Variants in DSCAM observed in about 807,000 individuals in gnomAD.
DSCAM encodes the protein cell adhesion molecule DSCAM.
Under a neutral mutation model 217.7 loss-of-function variants are expected in DSCAM, and 47 were observed. That is an observed-to-expected ratio of 0.22 (90% CI 0.17 to 0.28). The LOEUF (loss-of-function observed/expected upper bound fraction) is 0.28. Among genes scored for constraint, DSCAM ranks in the 10% least tolerant of loss-of-function variants. The pLI, the probability that DSCAM is intolerant of heterozygous loss-of-function variation, is 1.00. For synonymous variants in DSCAM, 1,056 were observed against 1,015.3 expected (o/e 1.04, Z -0.76); for missense variants, 2,080 against 2,618.3 (o/e 0.79, Z 4.49).
intron 3 of DSCAM, among the ~76,000 whole-genome samples, chr21:40,442,543 T>C (rs1363870658): frequency 4.8e-5 from 6 of 123,932 alleles, no homozygotes; most frequent in Non-Finnish European, 9.8e-5. Flanking sequence ...TTGGTGAGAT[T>C]GGGTCTCGCT....
At chr21:40,811,572 C>T (rs535623016) in intron 1 of DSCAM, among the ~76,000 whole-genome samples, 1 of 152,304 alleles carries the variant, frequency 6.6e-6, no homozygotes, top group East Asian at 1.9e-4. Flanking sequence ...GAAGGGGGCC[C>T]TGGAGCAGCA....
rs551495559 is a variant in DSCAM at position 40,805,937 on chromosome 21, T to C, written c.43+40682A>G. Among the ~76,000 whole-genome samples, 8 of 152,250 alleles carry C rather than the reference T, an allele frequency of 5.3e-5. No homozygotes were observed. The East Asian group carries it at 1.4e-3, about 26-fold the overall frequency. ...GTTAGCCAGGATGGTCTCGATCTCC[T>C]GACCTTGTGATCTGCCCGCCTCGGC... On this transcript the variant is annotated intron_variant, in intron 1 of 32. Coordinates refer to ENST00000400454, the MANE Select transcript of DSCAM (RefSeq NM_001389.5).
chr21:40,372,375 G>A lies in DSCAM; in HGVS notation c.509-3130C>T, dbSNP rs751980098. ...ATTCTGTCTCATTCTGTCTCCCTTT[G>A]TGTGTCTTTCTGTTTTATTTTCCTT... On this transcript the variant is annotated intron_variant, in intron 3 of 32. Transcript: ENST00000400454. Among the ~76,000 whole-genome samples the A allele has an allele frequency of 3.9e-5, 6 of 152,152 alleles. No individual in the cohort carries two copies. The South Asian group carries it at 1.2e-3, about 32-fold the overall frequency.
chr21:40,611,708 A>G (rs988581587), intron 3 of DSCAM, among the ~76,000 whole-genome samples: 10 of 152,220 alleles, frequency 6.6e-5, no homozygotes, highest in Non-Finnish European at 1.2e-4. Context: ...GTAAGTGCCA[A>G]CTGTGTGCAG....
chr21:40,103,236 T>G (rs1186156125), intron 20 of DSCAM, among the ~76,000 whole-genome samples: 3 of 152,182 alleles, frequency 2.0e-5, no homozygotes, highest in Non-Finnish European at 4.4e-5. Flanking sequence ...TAAGGAAATG[T>G]GATGTTTTAA....
At chr21:40,728,314 T>C (rs1024463222) in intron 1 of DSCAM, among the ~76,000 whole-genome samples, 13 of 152,218 alleles carry the variant, frequency 8.5e-5, no homozygotes, top group African/African-American at 3.1e-4. Flanking sequence ...TCAACAAATA[T>C]TTAATACTTC....
intron 11 of DSCAM, among the ~76,000 whole-genome samples, chr21:40,201,582 C>T (rs2091070228): frequency 6.6e-6 from 1 of 152,076 alleles, no homozygotes; most frequent in Non-Finnish European, 1.5e-5. Flanking sequence ...GCTGGGATTA[C>T]AGGCATGCTC....
intron 20 of DSCAM, among the ~76,000 whole-genome samples, chr21:40,114,880 G>C (rs566161779): frequency 2.6e-5 from 4 of 152,306 alleles, no homozygotes; most frequent in East Asian, 3.9e-4. Context: ...TCTCACACCA[G>C]TTAGAATGGC....
At chr21:40,517,405 ACAC>A (rs2076311286) in intron 3 of DSCAM, among the ~76,000 whole-genome samples, 1 of 6,142 alleles carries the variant, frequency 1.6e-4, no homozygotes, top group Non-Finnish European at 2.9e-4. Context: ...CACACAAGCA[ACAC>A]ACACACACAC....
chr21:40,037,005 T>C (rs2088638223), intron 32 of DSCAM, among the ~76,000 whole-genome samples: 1 of 150,530 alleles, frequency 6.6e-6, no homozygotes. Flanking sequence ...TAGGTATTGA[T>C]GGGACGTATT....
intron 3 of DSCAM, among the ~76,000 whole-genome samples, chr21:40,453,424 G>C (rs1346638814): frequency 2.0e-5 from 3 of 152,142 alleles, no homozygotes; most frequent in African/African-American, 7.2e-5. Flanking sequence ...ACTATGACAG[G>C]CAAATGACTT....
chr21:40,072,442 G>A (rs2089305959), intron 27 of DSCAM, among the ~76,000 whole-genome samples: 1 of 151,470 alleles, frequency 6.6e-6, no homozygotes, highest in African/African-American at 2.4e-5. Flanking sequence ...CGCCTCCCAG[G>A]TTCAAGCGAT....
chr21:40,260,546 C>A (rs906235718), intron 11 of DSCAM, among the ~76,000 whole-genome samples: 1 of 152,200 alleles, frequency 6.6e-6, no homozygotes, highest in Non-Finnish European at 1.5e-5. Flanking sequence ...ATGGTCCCTG[C>A]AGAGGGTCAC....
At chr21:40,840,374 G>A (rs2092090670) in intron 1 of DSCAM, among the ~76,000 whole-genome samples, 1 of 152,092 alleles carries the variant, frequency 6.6e-6, no homozygotes, top group African/African-American at 2.4e-5. Flanking sequence ...CAAGAGCTGG[G>A]GGTGGCGGAG....
chr21:40,155,888 G>T (rs1286055631), intron 16 of DSCAM, among the ~76,000 whole-genome samples: 1 of 151,740 alleles, frequency 6.6e-6, no homozygotes, highest in African/African-American at 2.4e-5. Context: ...TCCTTGGAAC[G>T]AAACAGGCCC....
rs200227900 is a variant in DSCAM at position 40,036,518 on chromosome 21, T to C, written c.5686+5853A>G. On this transcript the variant is annotated intron_variant, in intron 32 of 32. Coordinates refer to ENST00000400454, the MANE Select transcript of DSCAM (RefSeq NM_001389.5). Reference sequence around the variant, plus strand: ...ATAACAGGATCTGAAATTGTGGCAATAATCAATAGCTTACCAACCAAAAAG... The same window carrying C: ...ATAACAGGATCTGAAATTGTGGCAACAATCAATAGCTTACCAACCAAAAAG... 7.9e-3 allele frequency among the ~76,000 whole-genome samples: 1,124 copies of C among 141,596 alleles called. 30 individuals are homozygous for C. Among genetic ancestry groups the C allele is most frequent in the African/African-American group, 0.026 (927 of 35,868 alleles). The allele number at this position is 141,596 out of a possible 152,430, so 92.9% of individuals were successfully genotyped here.
intron 9 of DSCAM, among the ~76,000 whole-genome samples, chr21:40,302,669 G>C (rs571702992): frequency 1.4e-4 from 22 of 152,132 alleles, no homozygotes; most frequent in Non-Finnish European, 3.2e-4. Context: ...CAGCACTCCT[G>C]TCTCCCCAAA....
intron 17 of DSCAM, among the ~76,000 whole-genome samples, chr21:40,142,989 G>A (rs1354769803): frequency 6.6e-6 from 1 of 152,024 alleles, no homozygotes; most frequent in Non-Finnish European, 1.5e-5. Flanking sequence ...CTTGAGTCGT[G>A]TACCCTTCTT....
intron 16 of DSCAM, among the ~76,000 whole-genome samples, chr21:40,164,288 A>G (rs760174): frequency 0.73 from 109,995 of 151,622 alleles, 41,270 homozygotes; most frequent in African/African-American, 0.93. Flanking sequence ...AGAGGTAAGC[A>G]TGTTACAAAC....
Sources: gnomAD v4.1 joint callset for allele counts (sites outside exome capture counted in the v4.1 genomes callset) on GRCh38, gnomAD v4.1.1 for gene constraint, MANE v1.5 for transcripts, NCBI Gene and HGNC (gene_info 2026-07-23, HGNC 2026-07-21) for gene names.